Variants in TBC1D23 observed in about 807,000 individuals in gnomAD.
TBC1D23 encodes TBC1 domain family member 23.
TBC1D23 carries 55 observed loss-of-function variants against 91.4 expected under a neutral mutation model. The ratio of observed to expected loss-of-function variants is 0.60; its 90% CI spans 0.48 to 0.75. The LOEUF is 0.75. Ranked by LOEUF, TBC1D23 falls within the 30% of genes least tolerant of loss-of-function variation. The probability of loss-of-function intolerance (pLI) is 0.00; values close to 1 mark genes in which losing one functional copy is unlikely to be tolerated. For missense variants in TBC1D23, 725 were observed against 836.1 expected (o/e 0.87, Z 1.64); for synonymous variants, 289 against 281.0 (o/e 1.03, Z -0.28).
At chr3:100,319,490 A>G (rs1012194339) in intron 17 of TBC1D23, among the ~76,000 whole-genome samples, 1 of 151,746 alleles carries the variant, frequency 6.6e-6, no homozygotes, top group Non-Finnish European at 1.5e-5. Context: ...GTGTAGTGGC[A>G]CGATCTCTGC....
chr3:100,268,995 T>C (rs1253246042), intron 1 of TBC1D23, among the ~76,000 whole-genome samples: 1 of 152,162 alleles, frequency 6.6e-6, no homozygotes, highest in African/African-American at 2.4e-5. Context: ...GTTTTTTTCT[T>C]AGCAGAGAAA....
At chr3:100,306,080 T>G (rs994434258) in intron 12 of TBC1D23, among the ~76,000 whole-genome samples, 7 of 152,190 alleles carry the variant, frequency 4.6e-5, no homozygotes, top group Non-Finnish European at 1.0e-4. Flanking sequence ...ATAACAAAAG[T>G]CACAATCGGT....
chr3:100,268,864 A>T lies in TBC1D23; in HGVS notation c.53+7793A>T, dbSNP rs185910819. On this transcript the variant is annotated intron_variant, in intron 1 of 18. Coordinates refer to ENST00000394144, the MANE Select transcript of TBC1D23 (RefSeq NM_001199198.3). The stretch of plus-strand genomic sequence containing the variant: ...GAGTGCTCGCTGAAGTTGACTGCTC[A>T]TTAGAGAAATTTCCAATTTTGTAGT... 6.6e-5 allele frequency among the ~76,000 whole-genome samples: 10 copies of T among 152,372 alleles called. No homozygotes were observed. In the East Asian group the frequency reaches 1.9e-3, roughly 29 times the overall value.
At chr3:100,300,143 A>G (rs1371691595) in intron 10 of TBC1D23, among the ~76,000 whole-genome samples, 2 of 152,226 alleles carry the variant, frequency 1.3e-5, no homozygotes, top group Non-Finnish European at 1.5e-5. Flanking sequence ...AGAATGGTAA[A>G]TAATTGTCAG....
rs1360170234 is a variant in TBC1D23, at chr3:100,296,154, A to G, written c.773-18A>G. ...CATTTTTCACAAACTACTAAATATTATGTCTATAATATTTCAGAGTTCTTG... is the reference window on the plus strand; with the variant it reads ...CATTTTTCACAAACTACTAAATATTGTGTCTATAATATTTCAGAGTTCTTG... On this transcript the variant is annotated intron_variant, in intron 7 of 18. Transcript: ENST00000394144. 7.3e-7 allele frequency: 1 copy of G among 1,374,854 alleles called. No homozygotes were observed. The highest frequency in any genetic ancestry group is 1.5e-5 in the African/African-American group (1 of 68,284). 85.2% of individuals were successfully genotyped at this position (1,374,854 alleles called of 1,614,324 possible). A position where few individuals can be genotyped will look rare whatever the true frequency, so the allele number is the denominator to read the frequency against.
chr3:100,275,437 A>G (rs1373612166), intron 1 of TBC1D23, among the ~76,000 whole-genome samples: 1 of 151,992 alleles, frequency 6.6e-6, no homozygotes. Context: ...ACAGCTGCAT[A>G]CCACTACAAC....
chr3:100,301,539 G>A (rs941750812), intron 10 of TBC1D23, among the ~76,000 whole-genome samples: 3 of 152,122 alleles, frequency 2.0e-5, no homozygotes, highest in Non-Finnish European at 4.4e-5. Flanking sequence ...CATTAAAACA[G>A]TTTTTAAACA....
intron 4 of TBC1D23, among the ~76,000 whole-genome samples, chr3:100,288,009 G>A (rs1362750577): frequency 6.6e-6 from 1 of 151,938 alleles, no homozygotes; most frequent in African/African-American, 2.4e-5. Flanking sequence ...TGGGAGGCCA[G>A]GGCAGGCAGA....
Position 100,314,091 on chromosome 3 carries a change from ATTTTTTTTTTT to A in TBC1D23, c.1599-1993_1599-1983del, listed in dbSNP as rs71299383. Among the ~76,000 whole-genome samples the A allele has an allele frequency of 5.4e-3, 511 of 94,612 alleles. 1 individual carries two copies. Among genetic ancestry groups the A allele is most frequent in the African/African-American group, 0.019 (485 of 25,842 alleles). The allele number at this position is 94,612 out of a possible 152,430, so 62.1% of individuals were successfully genotyped here. A position where few individuals can be genotyped will look rare whatever the true frequency, so the allele number is the denominator to read the frequency against. On this transcript the variant is annotated intron_variant, in intron 15 of 18. Transcript: ENST00000394144. ...TAAATCAACAAAATTAGGCTACAAAATTTTTTTTTTTTTTTTTTTTTTTTTGTGACCGAGTC... is the reference window on the plus strand; with the variant it reads ...TAAATCAACAAAATTAGGCTACAAAATTTTTTTTTTTTTTGTGACCGAGTC...
At chr3:100,290,105 T>C (rs2067776592) in intron 4 of TBC1D23, among the ~76,000 whole-genome samples, 1 of 152,198 alleles carries the variant, frequency 6.6e-6, no homozygotes, top group African/African-American at 2.4e-5. Flanking sequence ...CTTGGGCCGC[T>C]TCAACAGTTT....
At chr3:100,289,611 C>T (rs2067772593) in intron 4 of TBC1D23, among the ~76,000 whole-genome samples, 1 of 152,134 alleles carries the variant, frequency 6.6e-6, no homozygotes, top group South Asian at 2.1e-4. Flanking sequence ...CAGTACTTTT[C>T]AGATCAAGAC....
intron 5 of TBC1D23, among the ~76,000 whole-genome samples, chr3:100,291,765 A>ATG (rs1308981386): frequency 4.0e-4 from 60 of 151,692 alleles, no homozygotes; most frequent in African/African-American, 1.4e-3. Context: ...GGCTACATCA[A>ATG]AGATGGATTA....
chr3:100,272,450 A>G (rs1055875236), intron 1 of TBC1D23, among the ~76,000 whole-genome samples: 3 of 152,138 alleles, frequency 2.0e-5, no homozygotes, highest in East Asian at 1.9e-4. Context: ...ATCCTCATGG[A>G]TAGGAAGAAT....
At chr3:100,306,830 G>T (rs1445174520) in intron 13 of TBC1D23, among the ~76,000 whole-genome samples, 1 of 152,204 alleles carries the variant, frequency 6.6e-6, no homozygotes, top group Non-Finnish European at 1.5e-5. Flanking sequence ...GTATCATGTA[G>T]TGACAGTTTT....
Position 100,322,474 on chromosome 3 carries a change from T to C in TBC1D23, c.2019-1113T>C, listed in dbSNP as rs551327778. Among the ~76,000 whole-genome samples the C allele has an allele frequency of 5.3e-5, 8 of 152,366 alleles. No individual in the cohort carries two copies. The South Asian group carries it at 1.4e-3, about 28-fold the overall frequency. On this transcript the variant is annotated intron_variant, in intron 18 of 18. Coordinates refer to ENST00000394144, the MANE Select transcript of TBC1D23 (RefSeq NM_001199198.3). Reference sequence around the variant, plus strand: ...CAGGAGATTGATTTAACAAGCCTCATGTTGATTGGCATTTACATTGTTTTC... The same window carrying C: ...CAGGAGATTGATTTAACAAGCCTCACGTTGATTGGCATTTACATTGTTTTC...
chr3:100,323,424 A>G (rs971934122), intron 18 of TBC1D23, among the ~76,000 whole-genome samples, 163 bp from the exon 19 acceptor site: 10 of 152,178 alleles, frequency 6.6e-5, no homozygotes, highest in African/African-American at 1.2e-4. Flanking sequence ...CAAATAAGCT[A>G]TGGGAGTACA....
In TBC1D23 at chr3:100,294,950, C is replaced by A. The variant is rs2067825299; in HGVS notation, c.601-137C>A. 6 of 834,346 alleles carry A rather than the reference C, an allele frequency of 7.2e-6. No homozygotes were observed. In the Admixed American group the frequency reaches 1.8e-4, roughly 25 times the overall value. 51.7% of individuals were successfully genotyped at this position (834,346 alleles called of 1,614,324 possible). A position where few individuals can be genotyped will look rare whatever the true frequency, so the allele number is the denominator to read the frequency against. ...ACATGTTTTGCCTTTGGATTTCATACACTAAGATTAAGGTACGCATTAAAT... is the reference window on the plus strand; with the variant it reads ...ACATGTTTTGCCTTTGGATTTCATAAACTAAGATTAAGGTACGCATTAAAT... On this transcript the variant is annotated intron_variant, in intron 5 of 18. Coordinates refer to ENST00000394144, the MANE Select transcript of TBC1D23 (RefSeq NM_001199198.3).
intron 1 of TBC1D23, among the ~76,000 whole-genome samples, chr3:100,273,480 C>T (rs529558138): frequency 6.6e-6 from 1 of 152,140 alleles, no homozygotes; most frequent in East Asian, 1.9e-4. Context: ...ATTCTCGTTA[C>T]ACTACCATTG....
intron 8 of TBC1D23, 119 bp from the exon 9 acceptor site, chr3:100,297,802 TTA>T (rs1705331252): frequency 1.2e-6 from 1 of 801,988 alleles, no homozygotes; most frequent in African/African-American, 1.8e-5. Context: ...GTATTAAGTT[TTA>T]AAAAATCACA....
Sources: gnomAD v4.1 joint callset for allele counts (sites outside exome capture counted in the v4.1 genomes callset) on GRCh38, gnomAD v4.1.1 for gene constraint, MANE v1.5 for transcripts, NCBI Gene and HGNC (gene_info 2026-07-23, HGNC 2026-07-21) for gene names.